Variants in IFT88 observed in about 807,000 individuals in gnomAD.
The protein encoded by IFT88 is intraflagellar transport protein 88 homolog.
Under a neutral mutation model 119.5 loss-of-function variants are expected in IFT88, and 74 were observed. The observed-to-expected ratio is 0.62, with a 90% CI of 0.51 to 0.75. The LOEUF (loss-of-function observed/expected upper bound fraction) is 0.75, where lower values mean the gene tolerates loss of function less well. IFT88 is among the 30% of genes least tolerant of loss of function. The pLI is 0.00. For synonymous variants in IFT88, 279 were observed against 316.7 expected, an observed-to-expected ratio of 0.88 and a Z score of 1.26; for missense variants, 961 against 977.7, an observed-to-expected ratio of 0.98 and a Z score of 0.23.
rs972293126 is a variant in IFT88, at chr13:20,681,226, G to A, written c.2243-9479G>A. Among the ~76,000 whole-genome samples the A allele has an allele frequency of 6.6e-5, 10 of 152,230 alleles. No individual in the cohort carries two copies. The East Asian group carries it at 7.7e-4, about 12-fold the overall frequency. On this transcript the variant is annotated intron_variant, in intron 24 of 25. Transcript: ENST00000351808. ...AACAGAAGCTGGAATGCACATGACC[G>A]TGAAGCGTTGCAGAAGATGCCGTTT...
intron 22 of IFT88, among the ~76,000 whole-genome samples, chr13:20,659,831 A>C (rs932035904): frequency 6.6e-6 from 1 of 151,888 alleles, no homozygotes; most frequent in African/African-American, 2.4e-5. Context: ...TTTAGTAGGG[A>C]TGGGGTTTCA....
Position 20,656,448 on chromosome 13 carries a change from A to C in IFT88, c.2068+18A>C, listed in dbSNP as rs112157758. 222 of 1,309,878 alleles carry C rather than the reference A, an allele frequency of 1.7e-4. No homozygotes were observed. In the African/African-American group the frequency reaches 3.1e-3, roughly 18 times the overall value. The allele number at this position is 1,309,878 out of a possible 1,614,324, so 81.1% of individuals were successfully genotyped here. On this transcript the variant is annotated intron_variant, in intron 22 of 25. Coordinates refer to ENST00000351808, the MANE Select transcript of IFT88 (RefSeq NM_006531.5). ...TGTCGAATGTAAGTGGCATTACATAATGTAACTTTGAAGTGATAAGTTCTC... is the reference window on the plus strand; with the variant it reads ...TGTCGAATGTAAGTGGCATTACATACTGTAACTTTGAAGTGATAAGTTCTC...
intron 24 of IFT88, among the ~76,000 whole-genome samples, chr13:20,676,237 C>T (rs1369862568): frequency 6.6e-6 from 1 of 152,194 alleles, no homozygotes; most frequent in African/African-American, 2.4e-5. Flanking sequence ...CATGGACCAC[C>T]TTCCTGAACT....
Position 20,631,028 on chromosome 13 carries a change from T to C in IFT88, c.1312T>C (p.Leu438=). The part of the protein sequence containing the change: ...QKDYNQAVEI[L]KVLEKKDSRV... ...ATTCCATTTCTAGGCTGTAGAGATC[T>C]TAAAAGTGTTGGAAAAAAAGGACAG... Residue 438 remains leucine, a synonymous_variant, in exon 16 of 26, where the codon TTA becomes CTA. Transcript: ENST00000351808. 1 of 1,588,666 alleles carries C rather than the reference T, an allele frequency of 6.3e-7. No homozygotes were observed. Among genetic ancestry groups the C allele is most frequent in the Non-Finnish European group, 8.6e-7 (1 of 1,156,878 alleles).
rs145732480 is a variant in IFT88 at position 20,689,390 on chromosome 13, G to A, written c.2243-1315G>A. Among the ~76,000 whole-genome samples, 256 of 152,280 alleles carry A rather than the reference G, an allele frequency of 1.7e-3. 1 individual carries two copies. The highest frequency in any genetic ancestry group is 5.9e-3 in the African/African-American group (245 of 41,558). ...GTGTAAAAAGTGAAATAACGTTGTCGTATTTACTAATGAGGATGTGTTTCT... is the reference window on the plus strand; with the variant it reads ...GTGTAAAAAGTGAAATAACGTTGTCATATTTACTAATGAGGATGTGTTTCT... On this transcript the variant is annotated intron_variant, in intron 24 of 25. Coordinates refer to ENST00000351808, the MANE Select transcript of IFT88 (RefSeq NM_006531.5).
rs1243972221 is a variant in IFT88, at chr13:20,615,879, G to A, written c.1199G>A (p.Trp400Ter). ...IETSFAAGYDWCVEVVKASQY... is the reference protein window; with the variant it reads ...IETSFAAGYD ...ACATCTTTTGCTGCAGGTTATGATT[G>A]GTAAGAGAGAAAGTCTATAATACTG... Residue 400 changes from tryptophan to a stop codon, truncating the protein, a stop_gained and splice_region_variant, in exon 14 of 26, where the codon TGG becomes TAG. Transcript: ENST00000351808. LOFTEE classifies it high-confidence loss of function. The A allele has an allele frequency of 1.3e-6, 2 of 1,586,768 alleles. No individual in the cohort carries two copies. The highest frequency in any genetic ancestry group is 1.7e-6 in the Non-Finnish European group (2 of 1,160,380).
At chr13:20,659,740 T>C (rs2053485837) in intron 22 of IFT88, among the ~76,000 whole-genome samples, 1 of 151,732 alleles carries the variant, frequency 6.6e-6, no homozygotes. Context: ...GCTGTCCAGG[T>C]TCAAGTGATT....
intron 24 of IFT88, among the ~76,000 whole-genome samples, chr13:20,685,003 G>A (rs931941943): frequency 6.6e-6 from 1 of 152,192 alleles, no homozygotes; most frequent in Non-Finnish European, 1.5e-5. Flanking sequence ...GGGATCAGGG[G>A]GCTGACAGCC....
At chr13:20,676,636 T>C (rs2056702452) in intron 24 of IFT88, among the ~76,000 whole-genome samples, 1 of 152,250 alleles carries the variant, frequency 6.6e-6, no homozygotes, top group Non-Finnish European at 1.5e-5. Flanking sequence ...TTTTGTTTTT[T>C]TAAACAAGAA....
intron 20 of IFT88, among the ~76,000 whole-genome samples, chr13:20,646,262 G>A (rs1270963342): frequency 6.7e-6 from 1 of 150,166 alleles, no homozygotes; most frequent in African/African-American, 2.5e-5. Flanking sequence ...TCATCTGATT[G>A]TGATTATCAC....
intron 22 of IFT88, among the ~76,000 whole-genome samples, chr13:20,660,302 G>A (rs1373960119): frequency 6.6e-6 from 1 of 152,198 alleles, no homozygotes; most frequent in Non-Finnish European, 1.5e-5. Flanking sequence ...CACAGTGGAC[G>A]ATGTGATGGG....
In IFT88 at chr13:20,644,938, T is replaced by A. The variant is rs759762441; in HGVS notation, c.1929T>A (p.Phe643Leu). Residue 643 changes from phenylalanine to leucine, a missense_variant, in exon 20 of 26, where the codon TTT (phenylalanine) becomes TTA (leucine). Coordinates refer to ENST00000351808, the MANE Select transcript of IFT88 (RefSeq NM_006531.5). The stretch of plus-strand genomic sequence containing the variant: ...TTTGGGAAAAAGCTATTCAGTACTT[T>A]GAAAGAGCTTCTCTTATACAGTAAG... ...TQFWEKAIQY[F>L]ERASLIQPTQ... 1.9e-6 allele frequency: 3 copies of A among 1,557,608 alleles called. No homozygotes were observed. In the South Asian group the frequency reaches 3.4e-5, roughly 18 times the overall value.
chr13:20,635,547 C>A (rs777665595), intron 16 of IFT88, among the ~76,000 whole-genome samples: 29 of 152,308 alleles, frequency 1.9e-4, no homozygotes, highest in Middle Eastern at 3.4e-3. Flanking sequence ...CCCCCTAATT[C>A]TTTGTCCTCT....
intron 13 of IFT88, among the ~76,000 whole-genome samples, chr13:20,605,373 C>G (rs1195650780): frequency 6.6e-6 from 1 of 152,168 alleles, no homozygotes. Flanking sequence ...ATTACTCAAT[C>G]TCAGTTATTC....
intron 9 of IFT88, among the ~76,000 whole-genome samples, chr13:20,597,769 A>ATTTTTT (rs1181805946): frequency 5.6e-5 from 8 of 143,824 alleles, no homozygotes; most frequent in Non-Finnish European, 9.1e-5. Context: ...ATATATATAT[A>ATTTTTT]TTTTTTTTTT....
chr13:20,649,611 C>T (rs1344254949), intron 20 of IFT88, among the ~76,000 whole-genome samples: 1 of 151,900 alleles, frequency 6.6e-6, no homozygotes, highest in Non-Finnish European at 1.5e-5. Flanking sequence ...GCACTTTAAA[C>T]CCAAAGATAG....
At chr13:20,678,881 C>G (rs2057004515) in intron 24 of IFT88, among the ~76,000 whole-genome samples, 1 of 152,192 alleles carries the variant, frequency 6.6e-6, no homozygotes, top group African/African-American at 2.4e-5. Context: ...ACAGACAACA[C>G]AGATTAAAAG....
Position 20,640,975 on chromosome 13 carries a change from G to A in IFT88, c.1574-315G>A, listed in dbSNP as rs539387305. ...AGCCTGAGCAACATGGCAAAATCCC[G>A]TCTCTACTAAAAATACAAAAAATTA... On this transcript the variant is annotated intron_variant, in intron 17 of 25. Transcript: ENST00000351808. Among the ~76,000 whole-genome samples, 79 of 152,120 alleles carry A rather than the reference G, an allele frequency of 5.2e-4. 1 individual carries two copies. The highest frequency in any genetic ancestry group is 1.8e-3 in the African/African-American group (75 of 41,488).
chr13:20,580,787 G>A (rs1397446746), intron 2 of IFT88, among the ~76,000 whole-genome samples: 4 of 147,048 alleles, frequency 2.7e-5, no homozygotes, highest in African/African-American at 7.6e-5. Flanking sequence ...GTGCATTGGC[G>A]CGACCTCTGC....
Sources: allele counts gnomAD v4.1 joint callset (sites outside exome capture counted in the v4.1 genomes callset), GRCh38; gene constraint gnomAD v4.1.1; transcripts MANE v1.5; gene names NCBI Gene and HGNC (gene_info 2026-07-23, HGNC 2026-07-21).